TMTC4: variants seen among roughly 807,000 people sequenced by gnomAD.
TMTC4 encodes the protein protein O-mannosyl-transferase TMTC4.
In TMTC4, 65 loss-of-function variants were observed where a neutral mutation model predicts 86.0. That is an observed-to-expected ratio of 0.76 (90% confidence interval 0.62 to 0.93). The LOEUF is 0.93. TMTC4 is among the 40% of genes least tolerant of loss of function. TMTC4 has a pLI of 0.00. For missense variants in TMTC4, 866 were observed against 948.1 expected, an observed-to-expected ratio of 0.91 and a Z score of 1.14; for synonymous variants, 379 against 382.5, an observed-to-expected ratio of 0.99 and a Z score of 0.11.
At position 100,663,062 on chromosome 13, in the gene TMTC4, G is replaced by A; in HGVS notation, c.454C>T (p.Leu152=). The change falls in exon 5 of 19, where the codon CTG becomes TTG. Residue 152 remains leucine, a synonymous_variant. Coordinates refer to ENST00000342624, the MANE Select transcript of TMTC4 (RefSeq NM_032813.5). The part of the protein sequence containing the change: ...VDVFSVLFGG[L]QYTSKGRRLH... ...CTCCGGCCTTTACTGGTGTACTGCAGGCCGCCAAACAGAACCGAGAAGACG... is the reference window on the plus strand; with the variant it reads ...CTCCGGCCTTTACTGGTGTACTGCAAGCCGCCAAACAGAACCGAGAAGACG... 6.2e-7 allele frequency: 1 copy of A among 1,614,234 alleles called. No homozygotes were observed. The highest frequency in any genetic ancestry group is 8.5e-7 in the Non-Finnish European group (1 of 1,180,048).
intron 3 of TMTC4, chr13:100,665,893 C>A (rs1264821397): frequency 5.2e-6 from 2 of 382,498 alleles, no homozygotes; most frequent in Non-Finnish European, 1.0e-5. Flanking sequence ...TCCCCAAGAG[C>A]AGGTTAGAGA....
At chr13:100,660,361 A>G (rs1216140257) in intron 5 of TMTC4, among the ~76,000 whole-genome samples, 1 of 151,918 alleles carries the variant, frequency 6.6e-6, no homozygotes, top group Non-Finnish European at 1.5e-5. Flanking sequence ...AAAGAAAAAA[A>G]AAGAAATTCA....
rs571739383 is a variant in TMTC4, at chr13:100,612,434, C to G, written c.2028G>C (p.Ser676=). 2 of 1,610,524 alleles carry G rather than the reference C, an allele frequency of 1.2e-6. No homozygotes were observed. Among genetic ancestry groups the G allele is most frequent in the Admixed American group, 3.4e-5 (2 of 59,274 alleles). The part of the protein sequence containing the change: ...LIPNDHSLMF[S]LANVLGKSQK... Reference sequence around the variant, plus strand: ...GGGATTTCCCCAGCACGTTTGCCAACGAGAACATGAGAGAGTGATCATTAG... The same window carrying G: ...GGGATTTCCCCAGCACGTTTGCCAAGGAGAACATGAGAGAGTGATCATTAG... The change falls in exon 17 of 19, where the codon TCG becomes TCC. Residue 676 remains serine (S), a synonymous_variant. Coordinates refer to ENST00000342624, the MANE Select transcript of TMTC4 (RefSeq NM_032813.5).
In TMTC4 at chr13:100,614,363, T is replaced by C. The variant is rs773693143; in HGVS notation, c.1904A>G (p.Glu635Gly). ...CATGTTGTTCCAGGCCAGGCTGTGC[T>C]CTGGTTTCAGCACGGTGGCATTTCT... is the stretch of plus-strand genomic sequence containing the variant. ...AWRNATVLKP[E>G]HSLAWNNMII... The change falls in exon 16 of 19, where the codon GAG (glutamate) becomes GGG (glycine). Residue 635 changes from glutamate (E) to glycine (G), a missense_variant. Physicochemically the swap from Glu to Gly is moderately conservative, Grantham distance 98. Transcript: ENST00000342624. 6 of 1,613,836 alleles carry C rather than the reference T, an allele frequency of 3.7e-6. No individual in the cohort carries two copies. The highest frequency in any genetic ancestry group is 3.4e-6 in the Non-Finnish European group (4 of 1,179,968).
intron 6 of TMTC4, among the ~76,000 whole-genome samples, chr13:100,646,384 T>C (rs139531269): frequency 1.0e-3 from 152 of 152,332 alleles, no homozygotes; most frequent in Non-Finnish European, 1.5e-3. Flanking sequence ...CGACAAATCA[T>C]GGAACCGCAG....
chr13:100,612,654 TAC>T (rs60782137), intron 16 of TMTC4, 144 bp from the exon 17 acceptor site: 28,340 of 446,060 alleles, frequency 0.064, 574 homozygotes, highest in African/African-American at 0.16. Context: ...GATCATGTAA[TAC>T]ACACACACAC....
In TMTC4 at chr13:100,609,309, G is replaced by A. The variant is rs542100251; in HGVS notation, c.2065-2882C>T. ...TACCCTGTATTTACAGTAATGATGC[G>A]TTGTTTCTCCTTTAAATACATTCAT... On this transcript the variant is annotated intron_variant, in intron 17 of 18. Coordinates refer to ENST00000342624, the MANE Select transcript of TMTC4 (RefSeq NM_032813.5). 1.4e-4 allele frequency among the ~76,000 whole-genome samples: 21 copies of A among 152,168 alleles called. No individual in the cohort carries two copies. In the South Asian group the frequency reaches 3.3e-3, roughly 24 times the overall value.
At chr13:100,656,542 C>CTTT (rs35563246) in intron 5 of TMTC4, 74 bp from the exon 6 acceptor site, 11,736 of 383,268 alleles carry the variant, frequency 0.031, 51 homozygotes, top group East Asian at 0.048. Flanking sequence ...GGAGACATAA[C>CTTT]TTTTTTTTTT....
chr13:100,608,950 C>T (rs1020589928), intron 17 of TMTC4, among the ~76,000 whole-genome samples: 5 of 152,120 alleles, frequency 3.3e-5, no homozygotes, highest in South Asian at 2.1e-4. Context: ...TATGTCTAGG[C>T]GAGGAAGCCT....
intron 15 of TMTC4, among the ~76,000 whole-genome samples, chr13:100,624,667 C>G (rs184124025): frequency 9.3e-4 from 142 of 152,336 alleles, no homozygotes; most frequent in Non-Finnish European, 1.7e-3. Flanking sequence ...CACGAGGATG[C>G]CTTCCTACCT....
At chr13:100,620,420 G>A (rs1031066187) in intron 15 of TMTC4, among the ~76,000 whole-genome samples, 1 of 152,196 alleles carries the variant, frequency 6.6e-6, no homozygotes, top group Non-Finnish European at 1.5e-5. Flanking sequence ...TAGCTCCAGA[G>A]ATTGTAACCT....
At chr13:100,635,497 ACTC>A (rs1882095363) in intron 10 of TMTC4, among the ~76,000 whole-genome samples, 2 of 151,928 alleles carry the variant, frequency 1.3e-5, no homozygotes, top group Admixed American at 6.6e-5. Flanking sequence ...TAATTCACCT[ACTC>A]CTCACTATGC....
At chr13:100,651,307 G>T (rs1316385901) in intron 6 of TMTC4, among the ~76,000 whole-genome samples, 1 of 152,160 alleles carries the variant, frequency 6.6e-6, no homozygotes, top group Non-Finnish European at 1.5e-5. Flanking sequence ...AATACAAGAT[G>T]CCTCATTGTA....
rs1320106320 is a variant in TMTC4 at position 100,614,860 on chromosome 13, TTGA to T, written c.1837-433_1837-431del. 7 of 932,190 alleles carry T rather than the reference TTGA, an allele frequency of 7.5e-6. No individual in the cohort carries two copies. The African/African-American group carries it at 1.3e-4, about 17-fold the overall frequency. 57.7% of individuals were successfully genotyped at this position (932,190 alleles called of 1,614,324 possible). On this transcript the variant is annotated intron_variant, in intron 15 of 18. Transcript: ENST00000342624. Reference sequence around the variant, plus strand: ...CACTAAAGACTTCATAAGTTCATTGTTGATAAAGTATTACTTAGAATAGTGAAC... The same window carrying T: ...CACTAAAGACTTCATAAGTTCATTGTTAAAGTATTACTTAGAATAGTGAAC...
rs112943976 is a variant in TMTC4, at chr13:100,614,103, C to T, written c.1951+213G>A. ...ATCTGCCCACCTCGGCCTCCCAAAG[C>T]GCTGGGATTACAGGTGTGAGCAACC... On this transcript the variant is annotated intron_variant, in intron 16 of 18. Coordinates refer to ENST00000342624, the MANE Select transcript of TMTC4 (RefSeq NM_032813.5). 4.4e-3 allele frequency among the ~76,000 whole-genome samples: 670 copies of T among 151,904 alleles called. 8 individuals are homozygous for T. Among genetic ancestry groups the T allele is most frequent in the African/African-American group, 0.015 (630 of 41,450 alleles).
intron 12 of TMTC4, 63 bp from the exon 13 acceptor site, chr13:100,626,213 T>A (rs1880506474): frequency 6.6e-7 from 1 of 1,508,786 alleles, no homozygotes; most frequent in South Asian, 1.1e-5. Flanking sequence ...CTGGACCCCA[T>A]CACATCTTCT....
chr13:100,654,064 C>A (rs1884772025), intron 6 of TMTC4, among the ~76,000 whole-genome samples: 1 of 152,228 alleles, frequency 6.6e-6, no homozygotes, highest in South Asian at 2.1e-4. Flanking sequence ...GAGAACAGAT[C>A]CCACGAAGAC....
intron 6 of TMTC4, among the ~76,000 whole-genome samples, chr13:100,655,442 T>C (rs1884986305): frequency 6.6e-6 from 1 of 152,196 alleles, no homozygotes; most frequent in Non-Finnish European, 1.5e-5. Flanking sequence ...TTATCTGTAG[T>C]GAACGTTAAC....
At chr13:100,632,515 A>T (rs4772320) in intron 12 of TMTC4, among the ~76,000 whole-genome samples, 27,989 of 152,200 alleles carry the variant, frequency 0.18, 2,870 homozygotes, top group Admixed American at 0.24. Context: ...TTAACGTTTA[A>T]GAAATTAAAT....
Sources: allele counts gnomAD v4.1 joint callset (sites outside exome capture counted in the v4.1 genomes callset), GRCh38; gene constraint gnomAD v4.1.1; transcripts MANE v1.5; gene names NCBI Gene and HGNC (gene_info 2026-07-23, HGNC 2026-07-21).